The following ARHGAP12 variants were observed in gnomAD, a reference collection of about 807,000 sequenced individuals.
The protein encoded by ARHGAP12 is Rho GTPase activating protein 12.
Under a neutral mutation model 108.6 loss-of-function variants are expected in ARHGAP12, and 64 were observed. The observed-to-expected ratio is 0.59, with a 90% CI of 0.48 to 0.73. ARHGAP12 has a LOEUF of 0.73. ARHGAP12 is among the 30% of genes least tolerant of loss of function. ARHGAP12 has a pLI of 0.00. For missense variants in ARHGAP12, 940 were observed against 1,005.9 expected, an observed-to-expected ratio of 0.93 and a Z score of 0.89; for synonymous variants, 312 against 337.2, an observed-to-expected ratio of 0.93 and a Z score of 0.82.
intron 14 of ARHGAP12, among the ~76,000 whole-genome samples, chr10:31,813,050 A>G (rs957240875): frequency 1.3e-5 from 2 of 152,162 alleles, no homozygotes; most frequent in African/African-American, 4.8e-5. Context: ...TTATCACTAA[A>G]AACAGATGAC....
intron 1 of ARHGAP12, among the ~76,000 whole-genome samples, chr10:31,926,239 G>T (rs1295166657): frequency 6.6e-6 from 1 of 150,988 alleles, no homozygotes; most frequent in South Asian, 2.1e-4. Context: ...CGAAACTGCA[G>T]AATATTCATT....
At chr10:31,916,464 T>G (rs975545824) in intron 1 of ARHGAP12, among the ~76,000 whole-genome samples, 2 of 152,142 alleles carry the variant, frequency 1.3e-5, no homozygotes, top group African/African-American at 4.8e-5. Flanking sequence ...TTTTTAAAAT[T>G]TTCTTCCCAT....
intron 1 of ARHGAP12, among the ~76,000 whole-genome samples, chr10:31,924,499 TTC>T (rs1839948711): frequency 6.6e-6 from 1 of 152,188 alleles, no homozygotes; most frequent in South Asian, 2.1e-4. Context: ...GTATGTAGCC[TTC>T]TGTGTCTGAC....
intron 3 of ARHGAP12, among the ~76,000 whole-genome samples, chr10:31,904,858 C>T (rs560338512): frequency 6.6e-6 from 1 of 152,142 alleles, no homozygotes; most frequent in East Asian, 1.9e-4. Flanking sequence ...AACTCCTGGG[C>T]CCAGGTGATC....
At chr10:31,915,194 C>A (rs1839503991) in intron 1 of ARHGAP12, among the ~76,000 whole-genome samples, 1 of 152,116 alleles carries the variant, frequency 6.6e-6, no homozygotes. Context: ...CGAGACCAGC[C>A]TGACCAACAT....
intron 3 of ARHGAP12, among the ~76,000 whole-genome samples, chr10:31,865,736 G>A (rs556091800): frequency 3.8e-4 from 58 of 152,076 alleles, no homozygotes; most frequent in African/African-American, 1.3e-3. Context: ...AAATTAGCCC[G>A]GCGTGGTGGC....
chr10:31,831,543 A>C (rs933198609), intron 10 of ARHGAP12, among the ~76,000 whole-genome samples, 196 bp downstream of exon 10: 3 of 152,170 alleles, frequency 2.0e-5, no homozygotes, highest in African/African-American at 7.2e-5. Context: ...CTCTTAACTT[A>C]ATATTACTTA....
At chr10:31,875,586 T>C (rs936246592) in intron 3 of ARHGAP12, among the ~76,000 whole-genome samples, 2 of 152,218 alleles carry the variant, frequency 1.3e-5, no homozygotes, top group African/African-American at 2.4e-5. Context: ...CCTCTTTAAA[T>C]GAACAATTCA....
chr10:31,883,421 A>C (rs908619131), intron 3 of ARHGAP12, among the ~76,000 whole-genome samples: 11 of 152,224 alleles, frequency 7.2e-5, no homozygotes, highest in Non-Finnish European at 1.5e-4. Flanking sequence ...TTCATCTTAA[A>C]GTATTGAAAA....
At chr10:31,899,845 A>G (rs1182705133) in intron 3 of ARHGAP12, among the ~76,000 whole-genome samples, 1 of 152,188 alleles carries the variant, frequency 6.6e-6, no homozygotes, top group African/African-American at 2.4e-5. Flanking sequence ...TAAAAATATG[A>G]TCCATGAGAG....
At chr10:31,820,732 A>ATATG (rs1835385177) in intron 11 of ARHGAP12, among the ~76,000 whole-genome samples, 2 of 149,206 alleles carry the variant, frequency 1.3e-5, no homozygotes, top group Admixed American at 1.3e-4. Flanking sequence ...ATATATATAT[A>ATATG]TATATAAAGC....
intron 9 of ARHGAP12, 146 bp downstream of exon 9, chr10:31,839,159 T>C: frequency 2.7e-6 from 2 of 744,574 alleles, no homozygotes. Context: ...TTAACAGAAG[T>C]CACATGGAGG....
At chr10:31,899,451 A>C (rs1838836298) in intron 3 of ARHGAP12, among the ~76,000 whole-genome samples, 1 of 152,206 alleles carries the variant, frequency 6.6e-6, no homozygotes, top group Admixed American at 6.5e-5. Flanking sequence ...AGTACAACCA[A>C]GTAGGAAGAC....
chr10:31,854,272 TAATA>T (rs1280213805), intron 4 of ARHGAP12, 66 bp from the exon 5 acceptor site: 23 of 1,386,664 alleles, frequency 1.7e-5, no homozygotes, highest in Middle Eastern at 1.8e-4. Context: ...GTTGAAAATC[TAATA>T]AATAAATTTT....
intron 3 of ARHGAP12, among the ~76,000 whole-genome samples, chr10:31,893,428 C>T (rs1455271012): frequency 1.3e-5 from 2 of 152,270 alleles, no homozygotes; most frequent in Admixed American, 1.3e-4. Context: ...CCACCGATCC[C>T]ACAGAAATAC....
chr10:31,907,524 C>G (rs1338503465), intron 3 of ARHGAP12, among the ~76,000 whole-genome samples: 1 of 150,848 alleles, frequency 6.6e-6, no homozygotes, highest in African/African-American at 2.4e-5. Flanking sequence ...GTACCAGCTA[C>G]TGGGGAAGCT....
Position 31,806,255 on chromosome 10 carries a change from A to G in ARHGAP12, c.*1403T>C, listed in dbSNP as rs1834820724. On this transcript the variant is annotated 3_prime_UTR_variant, in exon 20 of 20. Transcript: ENST00000344936. Reference sequence around the variant, plus strand: ...ATGAGGTATAACAGTATGCCAGTAAATGAAAAAACAAAAAAATTAGAAACC... The same window carrying G: ...ATGAGGTATAACAGTATGCCAGTAAGTGAAAAAACAAAAAAATTAGAAACC... 6.6e-6 allele frequency: 1 copy of G among 152,390 alleles called. No individual in the cohort carries two copies. The highest frequency in any genetic ancestry group is 1.5e-5 in the Non-Finnish European group (1 of 68,032). The allele number at this position is 152,390 out of a possible 1,614,324, so 9.4% of individuals were successfully genotyped here.
chr10:31,849,493 A>AAAT (rs1836590235), intron 6 of ARHGAP12, among the ~76,000 whole-genome samples: 1 of 152,228 alleles, frequency 6.6e-6, no homozygotes, highest in Non-Finnish European at 1.5e-5. Flanking sequence ...TAATATCTGC[A>AAAT]TGGGGGTTAC....
At chr10:31,914,118 GTTGT>G (rs1017537556) in intron 1 of ARHGAP12, among the ~76,000 whole-genome samples, 5 of 152,178 alleles carry the variant, frequency 3.3e-5, no homozygotes, top group Non-Finnish European at 5.9e-5. Flanking sequence ...AAAAGCTGCA[GTTGT>G]TTGTTAAAAT....
Sources: allele counts gnomAD v4.1 joint callset (sites outside exome capture counted in the v4.1 genomes callset), GRCh38; gene constraint gnomAD v4.1.1; transcripts MANE v1.5; gene names NCBI Gene and HGNC (gene_info 2026-07-23, HGNC 2026-07-21).